SLC44A1: variants seen among roughly 807,000 people sequenced by gnomAD.
SLC44A1 encodes solute carrier family 44 member 1, also known as choline transporter-like protein 1.
In SLC44A1, 26 loss-of-function variants were observed where a neutral mutation model predicts 79.3. The observed-to-expected ratio is 0.33, with a 90% confidence interval of 0.24 to 0.46. The LOEUF is 0.46. Ranked by LOEUF, SLC44A1 falls within the 20% of genes least tolerant of loss-of-function variation. The pLI is 1.00. For synonymous variants in SLC44A1, 263 were observed against 286.2 expected (o/e 0.92, Z 0.82); for missense variants, 688 against 798.1 (o/e 0.86, Z 1.66).
intron 1 of SLC44A1, among the ~76,000 whole-genome samples, chr9:105,288,438 G>T (rs935462230): frequency 6.6e-6 from 1 of 152,098 alleles, no homozygotes; most frequent in African/African-American, 2.4e-5. Flanking sequence ...AGCCTCCATT[G>T]CCAGGGCTCA....
At chr9:105,368,016 A>C (rs1384009488) in intron 12 of SLC44A1, among the ~76,000 whole-genome samples, 2 of 152,224 alleles carry the variant, frequency 1.3e-5, no homozygotes, top group African/African-American at 4.8e-5. Context: ...ACTCAAAAAG[A>C]CTAACAGGGT....
At chr9:105,421,583 T>TC (rs1491191186) in intron 15 of SLC44A1, among the ~76,000 whole-genome samples, 2 of 102,278 alleles carry the variant, frequency 2.0e-5, no homozygotes, top group African/African-American at 3.8e-5. Context: ...CAGAAATCTC[T>TC]TTTTTTTTTT....
Position 105,392,225 on chromosome 9 carries a change from GTT to G in SLC44A1, c.*3173_*3174del. ...GCAATGGCTAATGTTTAGGATTAAAGTTTTTATTTTATCCTATAAGATAATTA... is the reference window on the plus strand; with the variant it reads ...GCAATGGCTAATGTTTAGGATTAAAGTTTATTTTATCCTATAAGATAATTA... On this transcript the variant is annotated 3_prime_UTR_variant, in exon 16 of 16. Coordinates refer to ENST00000374720, the MANE Select transcript of SLC44A1 (RefSeq NM_080546.5). 4 of 983,898 alleles carry G rather than the reference GTT, an allele frequency of 4.1e-6. No homozygotes were observed. In the Middle Eastern group the frequency reaches 1.6e-3, roughly 386 times the overall value. 60.9% of individuals were successfully genotyped at this position (983,898 alleles called of 1,614,324 possible).
At chr9:105,263,329 C>T (rs565148475) in intron 1 of SLC44A1, among the ~76,000 whole-genome samples, 3 of 152,076 alleles carry the variant, frequency 2.0e-5, no homozygotes, top group Non-Finnish European at 4.4e-5. Context: ...ACCCATTAGC[C>T]AAACAGAATA....
At position 105,307,389 on chromosome 9, in the gene SLC44A1, A is replaced by G. The variant is rs181788440; in HGVS notation, c.127-2335A>G. 2.2e-3 allele frequency among the ~76,000 whole-genome samples: 331 copies of G among 152,308 alleles called. 2 individuals are homozygous for G. The highest frequency in any genetic ancestry group is 7.5e-3 in the African/African-American group (312 of 41,564). On this transcript the variant is annotated intron_variant, in intron 2 of 15. Coordinates refer to ENST00000374720, the MANE Select transcript of SLC44A1 (RefSeq NM_080546.5). Reference sequence around the variant, plus strand: ...CCACACGCGGTGGCTCACGCATGTAATCCCAGCACTTTGGGAGGCCGAGGC... The same window carrying G: ...CCACACGCGGTGGCTCACGCATGTAGTCCCAGCACTTTGGGAGGCCGAGGC...
Position 105,396,544 on chromosome 9 carries a change from C to T in SLC44A1, c.*7488C>T. On this transcript the variant is annotated 3_prime_UTR_variant, in exon 16 of 16. Coordinates refer to ENST00000374720, the MANE Select transcript of SLC44A1 (RefSeq NM_080546.5). ...TAAAGATCAGTCAATACAGTAGGGACCTGCTATTGATCTCTCAGGCACTGA... is the reference window on the plus strand; with the variant it reads ...TAAAGATCAGTCAATACAGTAGGGATCTGCTATTGATCTCTCAGGCACTGA... 2.0e-6 allele frequency: 2 copies of T among 985,328 alleles called. No individual in the cohort carries two copies. Among genetic ancestry groups the T allele is most frequent in the Non-Finnish European group, 2.4e-6 (2 of 829,860 alleles). 61.0% of individuals were successfully genotyped at this position (985,328 alleles called of 1,614,324 possible).
chr9:105,304,664 A>G (rs144852235), intron 2 of SLC44A1, among the ~76,000 whole-genome samples: 1 of 152,236 alleles, frequency 6.6e-6, no homozygotes, highest in Non-Finnish European at 1.5e-5. Flanking sequence ...ATCTAATTCT[A>G]TCCTTGTGAT....
Position 105,371,720 on chromosome 9 carries a change from CAAAAA to C in SLC44A1, c.1495-2861_1495-2857del, listed in dbSNP as rs776993058. Among the ~76,000 whole-genome samples, 216 of 94,282 alleles carry C rather than the reference CAAAAA, an allele frequency of 2.3e-3. 1 individual carries two copies. The highest frequency in any genetic ancestry group is 8.8e-3 in the African/African-American group (206 of 23,500). The allele number at this position is 94,282 out of a possible 152,430, so 61.9% of individuals were successfully genotyped here. A position where few individuals can be genotyped will look rare whatever the true frequency, so the allele number is the denominator to read the frequency against. ...GGCGACAGAGTGAGACTCCATCTCA[CAAAAA>C]AAAAAAAAAAAAAAAAGTAATTGGC... On this transcript the variant is annotated intron_variant, in intron 12 of 15. Transcript: ENST00000374720.
chr9:105,388,911 G>A (rs1294508810), intron 15 of SLC44A1, 122 bp from the exon 16 acceptor site: 1 of 736,338 alleles, frequency 1.4e-6, no homozygotes, highest in Non-Finnish European at 2.5e-6. Context: ...CAGGGGAGAA[G>A]GATTCTCAGT....
At chr9:105,371,103 T>C (rs927131123) in intron 12 of SLC44A1, among the ~76,000 whole-genome samples, 2 of 152,208 alleles carry the variant, frequency 1.3e-5, no homozygotes, top group Non-Finnish European at 2.9e-5. Context: ...AACTGAAGAA[T>C]TACAGTGAAA....
At chr9:105,421,228 G>A (rs963370208) in intron 15 of SLC44A1, among the ~76,000 whole-genome samples, 20 of 152,180 alleles carry the variant, frequency 1.3e-4, no homozygotes, top group Non-Finnish European at 2.5e-4. Context: ...GTGCTGGAAT[G>A]GCATACATTG....
At chr9:105,387,964 A>C (rs770341012) in intron 15 of SLC44A1, among the ~76,000 whole-genome samples, 28 of 152,236 alleles carry the variant, frequency 1.8e-4, no homozygotes, top group Non-Finnish European at 3.7e-4. Flanking sequence ...ACTTCAAACA[A>C]TGCATTAAAA....
At chr9:105,268,333 T>C (rs1407913871) in intron 1 of SLC44A1, among the ~76,000 whole-genome samples, 5 of 152,154 alleles carry the variant, frequency 3.3e-5, no homozygotes, top group African/African-American at 1.2e-4. Context: ...TCGAGTGTAC[T>C]AGGTCAATTT....
rs796087557 is a variant in SLC44A1 at position 105,351,542 on chromosome 9, A to G, written c.500+3091A>G. 1.3e-3 allele frequency among the ~76,000 whole-genome samples: 131 copies of G among 99,672 alleles called. 5 individuals are homozygous for G. Among genetic ancestry groups the G allele is most frequent in the Non-Finnish European group, 1.4e-3 (68 of 46,966 alleles). 65.4% of individuals were successfully genotyped at this position (99,672 alleles called of 152,430 possible). ...AGCAAGACCCTGTCTGAAAGAAAGA[A>G]AGAAAGAAAGAAAGAGAGAAAGAGA... On this transcript the variant is annotated intron_variant, in intron 5 of 15. Transcript: ENST00000374720.
At chr9:105,376,823 T>A (rs1240711347) in intron 13 of SLC44A1, among the ~76,000 whole-genome samples, 2 of 152,240 alleles carry the variant, frequency 1.3e-5, no homozygotes, top group Non-Finnish European at 2.9e-5. Context: ...GTGTTACATT[T>A]GGTCCTCCCC....
chr9:105,293,824 C>G (rs1209558842), intron 1 of SLC44A1, among the ~76,000 whole-genome samples: 1 of 152,124 alleles, frequency 6.6e-6, no homozygotes, highest in Non-Finnish European at 1.5e-5. Context: ...AAAATACACC[C>G]TTACTATAGC....
intron 15 of SLC44A1, among the ~76,000 whole-genome samples, chr9:105,431,426 T>G (rs1005413458): frequency 2.0e-5 from 3 of 152,220 alleles, no homozygotes; most frequent in African/African-American, 7.2e-5. Flanking sequence ...GCAATTCTAT[T>G]CCATTGGTCT....
In SLC44A1 at chr9:105,364,698, G is replaced by A; in HGVS notation, c.1231G>A (p.Val411Met). The A allele has an allele frequency of 1.2e-6, 2 of 1,613,562 alleles. No individual in the cohort carries two copies. The highest frequency in any genetic ancestry group is 1.7e-6 in the Non-Finnish European group (2 of 1,179,794). ...ACQQMTVAGA[V>M]VTYYFTRDKR... ...TCAGCAGATGACAGTGGCAGGAGCTGTGGTAACATACTATTTTACTAGGTA... is the reference window on the plus strand; with the variant it reads ...TCAGCAGATGACAGTGGCAGGAGCTATGGTAACATACTATTTTACTAGGTA... The change falls in exon 10 of 16, where the codon GTG becomes ATG. Residue 411 changes from valine to methionine, a missense_variant. Physicochemically the swap from Val to Met is conservative, Grantham distance 21. Coordinates refer to ENST00000374720, the MANE Select transcript of SLC44A1 (RefSeq NM_080546.5).
intron 15 of SLC44A1, among the ~76,000 whole-genome samples, chr9:105,388,109 T>C (rs776340430): frequency 3.9e-5 from 6 of 152,206 alleles, no homozygotes; most frequent in African/African-American, 7.2e-5. Context: ...CATTGTAGCA[T>C]TGGGTCCCTA....
Sources: gnomAD v4.1 joint callset for allele counts (sites outside exome capture counted in the v4.1 genomes callset) on GRCh38, gnomAD v4.1.1 for gene constraint, MANE v1.5 for transcripts, NCBI Gene and HGNC (gene_info 2026-07-23, HGNC 2026-07-21) for gene names.